SLA: variants seen among roughly 807,000 people sequenced by gnomAD.
The protein encoded by SLA is src-like-adapter.
A neutral mutation model predicts 30.3 loss-of-function variants in SLA; 16 were observed. That is an observed-to-expected ratio of 0.53 (90% confidence interval 0.36 to 0.80). The LOEUF is 0.80. Among genes scored for constraint, SLA ranks in the 30% least tolerant of loss-of-function variants. The pLI is 0.01. For synonymous variants in SLA, 143 were observed against 137.8 expected, an observed-to-expected ratio of 1.04 and a Z score of -0.26; for missense variants, 310 against 345.2, an observed-to-expected ratio of 0.90 and a Z score of 0.81.
intron 1 of SLA, among the ~76,000 whole-genome samples, chr8:133,099,315 G>A (rs1476075440): frequency 1.3e-5 from 2 of 152,208 alleles, no homozygotes; most frequent in Non-Finnish European, 2.9e-5. Context: ...CTTGGGACAC[G>A]CATTAGTGAA....
chr8:133,054,330 C>A (rs916775430), intron 3 of SLA, among the ~76,000 whole-genome samples: 1 of 152,100 alleles, frequency 6.6e-6, no homozygotes, highest in Non-Finnish European at 1.5e-5. Flanking sequence ...AAAGAAGAAA[C>A]CCAGAGAGAA....
chr8:133,102,378 C>T, intron 1 of SLA, 175 bp downstream of exon 1: 2 of 575,148 alleles, frequency 3.5e-6, no homozygotes. Context: ...TACCCCAAGT[C>T]CTGCCCCCTG....
At chr8:133,099,412 G>A (rs1381954100) in intron 1 of SLA, among the ~76,000 whole-genome samples, 2 of 152,210 alleles carry the variant, frequency 1.3e-5, no homozygotes, top group Admixed American at 1.3e-4. Flanking sequence ...CAGCAGGAGA[G>A]TAGTGACGGT....
intron 1 of SLA, among the ~76,000 whole-genome samples, chr8:133,081,158 C>T (rs558617846): frequency 7.9e-5 from 12 of 152,362 alleles, no homozygotes; most frequent in East Asian, 5.8e-4. Flanking sequence ...GCGCATAGGA[C>T]GGGACCCACC....
chr8:133,074,556 T>C (rs1844573091), intron 2 of SLA, among the ~76,000 whole-genome samples: 1 of 152,212 alleles, frequency 6.6e-6, no homozygotes, highest in African/African-American at 2.4e-5. Flanking sequence ...CAAATCCCAA[T>C]TATCCTTTGT....
chr8:133,102,384 C>A (rs1317052261), intron 1 of SLA, 169 bp downstream of exon 1: 1 of 590,788 alleles, frequency 1.7e-6, no homozygotes. Flanking sequence ...AAGTCCTGCC[C>A]CCTGGAGCTA....
At chr8:133,067,500 A>G (rs1035985307) in intron 2 of SLA, among the ~76,000 whole-genome samples, 5 of 152,066 alleles carry the variant, frequency 3.3e-5, no homozygotes, top group Non-Finnish European at 7.4e-5. Flanking sequence ...CCTCTTACCT[A>G]AGATATTTCA....
At chr8:133,043,079 G>T (rs192296968) in intron 7 of SLA, among the ~76,000 whole-genome samples, 1 of 152,290 alleles carries the variant, frequency 6.6e-6, no homozygotes, top group East Asian at 1.9e-4. Context: ...ATAGGAAACA[G>T]TTCCGGTTTT....
intron 1 of SLA, among the ~76,000 whole-genome samples, chr8:133,095,966 C>A (rs968105494): frequency 1.3e-5 from 2 of 152,210 alleles, no homozygotes; most frequent in Admixed American, 6.5e-5. Context: ...ACCTGGGGAT[C>A]TGCTGTTACC....
At chr8:133,056,052 C>G (rs1841391761) in intron 3 of SLA, among the ~76,000 whole-genome samples, 1 of 152,170 alleles carries the variant, frequency 6.6e-6, no homozygotes, top group African/African-American at 2.4e-5. Context: ...AAGCTGAGTG[C>G]CAGGTTTCAA....
intron 1 of SLA, among the ~76,000 whole-genome samples, chr8:133,075,383 C>A (rs1374416493): frequency 6.6e-6 from 1 of 152,118 alleles, no homozygotes; most frequent in East Asian, 1.9e-4. Context: ...CGAATGGACC[C>A]CAGAGCAATG....
At chr8:133,100,527 C>G (rs775486734) in intron 1 of SLA, among the ~76,000 whole-genome samples, 1 of 152,198 alleles carries the variant, frequency 6.6e-6, no homozygotes, top group Non-Finnish European at 1.5e-5. Context: ...ATGTGCTGGG[C>G]CCTAACCTGG....
In SLA at chr8:133,101,182, C is replaced by G. The variant is rs79976640; in HGVS notation, c.-319+1371G>C. Among the ~76,000 whole-genome samples, 386 of 152,246 alleles carry G rather than the reference C, an allele frequency of 2.5e-3. 3 individuals are homozygous for G. The highest frequency in any genetic ancestry group is 8.8e-3 in the African/African-American group (364 of 41,530). On this transcript the variant is annotated intron_variant, in intron 1 of 8. Coordinates refer to ENST00000338087, the MANE Select transcript of SLA (RefSeq NM_001045556.3). ...CCACCTTACCCCCACCATACGCAAG[C>G]ATCACCTAGAGAGATCCTCAGGATT...
intron 1 of SLA, among the ~76,000 whole-genome samples, chr8:133,077,845 C>G (rs1179837205): frequency 6.6e-6 from 1 of 151,818 alleles, no homozygotes; most frequent in Non-Finnish European, 1.5e-5. Context: ...CTGGACCTGA[C>G]CCCCTAGACA....
chr8:133,073,172 C>T (rs932468250), intron 2 of SLA: 3 of 152,106 alleles, frequency 2.0e-5, no homozygotes, highest in African/African-American at 4.8e-5. Context: ...GGTGGCCGAC[C>T]CAGAATGTTG....
chr8:133,057,169 TGC>T (rs879603229), intron 3 of SLA, among the ~76,000 whole-genome samples: 2,773 of 151,530 alleles, frequency 0.018, 96 homozygotes, highest in African/African-American at 0.063. Flanking sequence ...TCTGTGCTGC[TGC>T]CTCTGTTGGT....
intron 2 of SLA, chr8:133,072,938 T>G (rs1230415490): frequency 1.3e-5 from 2 of 152,232 alleles, no homozygotes; most frequent in African/African-American, 2.4e-5. Context: ...TCCATCATAT[T>G]TAACACTGTT....
chr8:133,079,106 AAAACACAT>A (rs1304390855), intron 1 of SLA, among the ~76,000 whole-genome samples: 1 of 152,174 alleles, frequency 6.6e-6, no homozygotes, highest in African/African-American at 2.4e-5. Flanking sequence ...AGCAAAGACA[AAAACACAT>A]AGCAGGTGAT....
At chr8:133,056,503 G>A (rs2702967) in intron 3 of SLA, among the ~76,000 whole-genome samples, 72,139 of 151,952 alleles carry the variant, frequency 0.47, 17,411 homozygotes, top group Middle Eastern at 0.5. Flanking sequence ...TTGAAACCCT[G>A]TCCTTTCCAG....
Sources: gnomAD v4.1 joint callset for allele counts (sites outside exome capture counted in the v4.1 genomes callset) on GRCh38, gnomAD v4.1.1 for gene constraint, MANE v1.5 for transcripts, NCBI Gene and HGNC (gene_info 2026-07-23, HGNC 2026-07-21) for gene names.